The following DPH6 variants were observed in gnomAD, a reference collection of about 807,000 sequenced individuals.
DPH6 encodes diphthine--ammonia ligase.
A neutral mutation model predicts 38.2 loss-of-function variants in DPH6; 33 were observed. The observed-to-expected ratio is 0.86, with a 90% CI of 0.65 to 1.15. DPH6 has a LOEUF of 1.15. Ranked by LOEUF, DPH6 falls within the 50% of genes most tolerant of loss-of-function variation. The probability of loss-of-function intolerance (pLI) is 0.00; values close to 1 mark genes in which losing one functional copy is unlikely to be tolerated. For missense variants in DPH6, 325 were observed against 320.0 expected (o/e 1.02, Z -0.12); for synonymous variants, 108 against 103.0 (o/e 1.05, Z -0.30).
chr15:35,237,555 CG>C, intron 3 of DPH6: 1 of 1,551,674 alleles, frequency 6.4e-7, no homozygotes. Context: ...AACAGAGTCT[CG>C]GGGGGCGTGG....
chr15:35,259,832 G>A (rs1329660616), intron 3 of DPH6, among the ~76,000 whole-genome samples: 2 of 152,138 alleles, frequency 1.3e-5, no homozygotes, highest in Non-Finnish European at 2.9e-5. Context: ...TTTTCTGCCC[G>A]TAATATGTTG....
chr15:35,228,389 C>A, intron 3 of DPH6, among the ~76,000 whole-genome samples: 1 of 152,120 alleles, frequency 6.6e-6, no homozygotes, highest in Non-Finnish European at 1.5e-5. Flanking sequence ...TTATAATATT[C>A]TGTGTTTTTC....
chr15:35,495,042 G>T (rs2054530986), intron 3 of DPH6, among the ~76,000 whole-genome samples: 1 of 152,076 alleles, frequency 6.6e-6, no homozygotes, highest in Admixed American at 6.6e-5. Flanking sequence ...ACAAGGTCAA[G>T]ATTCAAAATT....
intron 5 of DPH6, among the ~76,000 whole-genome samples, chr15:35,424,499 A>G (rs1210184747): frequency 1.3e-5 from 2 of 151,450 alleles, no homozygotes; most frequent in African/African-American, 4.8e-5. Flanking sequence ...ATTATCTGTA[A>G]GTAGAAATAA....
intron 3 of DPH6, chr15:35,521,393 G>C: frequency 9.3e-7 from 1 of 1,077,512 alleles, no homozygotes; most frequent in Non-Finnish European, 1.1e-6. Flanking sequence ...ATCATCTAAA[G>C]AATCTGTAAG....
intron 3 of DPH6, among the ~76,000 whole-genome samples, chr15:35,343,612 C>T (rs2052439405): frequency 6.6e-6 from 1 of 151,986 alleles, no homozygotes; most frequent in Non-Finnish European, 1.5e-5. Flanking sequence ...AATGAATAGA[C>T]TACTTTAGAA....
the DPH6 span, among the ~76,000 whole-genome samples, chr15:35,170,488 T>C: frequency 1.3e-5 from 2 of 152,192 alleles, no homozygotes; most frequent in African/African-American, 2.4e-5. Flanking sequence ...GTTTGGAGCA[T>C]GAAGCCAGAT....
At chr15:35,310,329 T>C (rs1446634895) in intron 3 of DPH6, among the ~76,000 whole-genome samples, 1 of 152,204 alleles carries the variant, frequency 6.6e-6, no homozygotes, top group Non-Finnish European at 1.5e-5. Context: ...AAACTCCATC[T>C]TTTTGCACAT....
At chr15:35,301,636 T>C (rs992000935) in intron 3 of DPH6, among the ~76,000 whole-genome samples, 9 of 152,200 alleles carry the variant, frequency 5.9e-5, no homozygotes, top group Admixed American at 3.3e-4. Flanking sequence ...ACATATCATC[T>C]ATACATTAAA....
At chr15:35,234,101 T>C (rs914601948) in intron 3 of DPH6, among the ~76,000 whole-genome samples, 2 of 152,206 alleles carry the variant, frequency 1.3e-5, no homozygotes, top group African/African-American at 4.8e-5. Flanking sequence ...CTGGTATATA[T>C]GGGGTACTTA....
chr15:35,213,142 A>G (rs142343793), downstream of DPH6, among the ~76,000 whole-genome samples: 66 of 152,340 alleles, frequency 4.3e-4, no homozygotes, highest in African/African-American at 1.5e-3. Context: ...TAAGGCCTGG[A>G]ATTCTCACAC....
chr15:35,255,979 A>T (rs2051705557), intron 3 of DPH6, among the ~76,000 whole-genome samples: 1 of 152,030 alleles, frequency 6.6e-6, no homozygotes, highest in African/African-American at 2.4e-5. Context: ...AATATACAGT[A>T]TATAATATAC....
chr15:35,170,416 G>A, the DPH6 span, among the ~76,000 whole-genome samples: 2 of 152,224 alleles, frequency 1.3e-5, no homozygotes, highest in East Asian at 3.9e-4. Context: ...GAAAATAAAC[G>A]GTGGAGCTTC....
intron 3 of DPH6, among the ~76,000 whole-genome samples, chr15:35,345,448 A>G (rs1304255588): frequency 6.6e-6 from 1 of 151,814 alleles, no homozygotes; most frequent in East Asian, 1.9e-4. Flanking sequence ...AAGCTTTACC[A>G]TCATTTTCCA....
intron 3 of DPH6, among the ~76,000 whole-genome samples, chr15:35,272,924 C>T (rs903787372): frequency 4.6e-5 from 7 of 150,950 alleles, no homozygotes; most frequent in African/African-American, 1.5e-4. Flanking sequence ...AAAAACAAAC[C>T]AAAAAGAATG....
At chr15:35,481,828 T>C (rs1266079437) in intron 3 of DPH6, among the ~76,000 whole-genome samples, 2 of 152,170 alleles carry the variant, frequency 1.3e-5, no homozygotes, top group African/African-American at 4.8e-5. Flanking sequence ...CTTTTTAAAA[T>C]ATTAAAATCA....
chr15:35,382,152 G>A (rs896875578), intron 6 of DPH6, among the ~76,000 whole-genome samples: 8 of 152,118 alleles, frequency 5.3e-5, no homozygotes, highest in Non-Finnish European at 1.2e-4. Flanking sequence ...ATAACATTAA[G>A]AGGCCAGGCG....
intron 5 of DPH6, among the ~76,000 whole-genome samples, chr15:35,443,198 G>A (rs1231317711): frequency 1.3e-5 from 2 of 152,142 alleles, no homozygotes; most frequent in African/African-American, 2.4e-5. Flanking sequence ...TATATCATCA[G>A]TAGTGGCATT....
exon 4 of DPH6, chr15:35,219,049 T>A (rs2051426714): frequency 6.6e-6 from 1 of 152,192 alleles, no homozygotes. Flanking sequence ...GAAGATATTT[T>A]AAAAATGCTC....
Sources: allele counts gnomAD v4.1 joint callset (sites outside exome capture counted in the v4.1 genomes callset), GRCh38; gene constraint gnomAD v4.1.1; transcripts MANE v1.5; gene names NCBI Gene and HGNC (gene_info 2026-07-23, HGNC 2026-07-21).